Variants in PCDH15 observed in about 807,000 individuals in gnomAD.
The protein encoded by PCDH15 is protocadherin-15.
PCDH15 carries 129 observed loss-of-function variants against 178.5 expected under a neutral mutation model. That is an observed-to-expected ratio of 0.72 (90% confidence interval 0.63 to 0.84). The LOEUF (loss-of-function observed/expected upper bound fraction) is 0.84, where lower values mean the gene tolerates loss of function less well. Ranked by LOEUF, PCDH15 falls within the 40% of genes least tolerant of loss-of-function variation. The pLI, the probability that PCDH15 is intolerant of heterozygous loss-of-function variation, is 0.00. For missense variants in PCDH15, 2,230 were observed against 2,099.9 expected, an observed-to-expected ratio of 1.06 and a Z score of -1.21; for synonymous variants, 800 against 732.0, an observed-to-expected ratio of 1.09 and a Z score of -1.50.
chr10:55,226,626 C>A (rs1592003173), intron 1 of PCDH15, among the ~76,000 whole-genome samples: 1 of 151,998 alleles, frequency 6.6e-6, no homozygotes, highest in African/African-American at 2.4e-5. Context: ...AGGTGATCCG[C>A]CCGCCTCGGC....
intron 3 of PCDH15, among the ~76,000 whole-genome samples, chr10:54,812,578 C>T (rs1240483085): frequency 1.3e-5 from 2 of 152,128 alleles, no homozygotes; most frequent in African/African-American, 4.8e-5. Flanking sequence ...CCTGCCTCAG[C>T]TTCCCGAGTA....
In PCDH15 at chr10:54,847,651, T is replaced by C. The variant is rs115710254; in HGVS notation, c.-29+49799A>G. Among the ~76,000 whole-genome samples the C allele has an allele frequency of 1.3e-3, 194 of 152,312 alleles. 2 individuals are homozygous for C. The highest frequency in any genetic ancestry group is 0.01 in the Middle Eastern group (3 of 294). On this transcript the variant is annotated intron_variant, in intron 3 of 5. Coordinates refer to the PCDH15 transcript ENST00000458638. ...TTTATCTGCTCTGTGATAACTAGCA[T>C]ACTGAAATTGTATTAATTTTTACTC...
chr10:54,799,133 T>C (rs1162437812), intron 1 of PCDH15, among the ~76,000 whole-genome samples: 2 of 152,162 alleles, frequency 1.3e-5, no homozygotes, highest in African/African-American at 2.4e-5. Context: ...CAAATAATTA[T>C]AGTGATTTCC....
intron 3 of PCDH15, among the ~76,000 whole-genome samples, chr10:54,883,485 A>AT (rs1317976620): frequency 1.3e-5 from 2 of 152,004 alleles, no homozygotes; most frequent in African/African-American, 4.8e-5. Context: ...TCCAGGTGAC[A>AT]TGAAAGAGAT....
intron 23 of PCDH15, among the ~76,000 whole-genome samples, chr10:53,955,495 T>A (rs1323513723): frequency 6.6e-6 from 1 of 152,202 alleles, no homozygotes; most frequent in Non-Finnish European, 1.5e-5. Flanking sequence ...AAAATCTCTC[T>A]TTTATACCTA....
intron 3 of PCDH15, among the ~76,000 whole-genome samples, chr10:54,505,275 A>T (rs1380919705): frequency 6.6e-6 from 1 of 152,118 alleles, no homozygotes; most frequent in African/African-American, 2.4e-5. Context: ...TTTTCTCATG[A>T]ATTTCTATGT....
At chr10:55,596,466 A>G (rs1842937078) in intron 2 of PCDH15, among the ~76,000 whole-genome samples, 2 of 152,128 alleles carry the variant, frequency 1.3e-5, no homozygotes, top group South Asian at 4.1e-4. Context: ...TTTGTAATAC[A>G]GGGAAAGTCA....
At chr10:55,069,916 T>C (rs1332237761) in intron 2 of PCDH15, among the ~76,000 whole-genome samples, 2 of 152,158 alleles carry the variant, frequency 1.3e-5, no homozygotes, top group African/African-American at 4.8e-5. Flanking sequence ...TGTTCCCATT[T>C]CTCCACATTC....
intron 2 of PCDH15, among the ~76,000 whole-genome samples, chr10:55,588,350 C>G (rs1842768839): frequency 6.6e-6 from 1 of 152,160 alleles, no homozygotes; most frequent in African/African-American, 2.4e-5. Context: ...AAAATTTTTA[C>G]TGTTCAAAGC....
At chr10:53,821,831 TGCCCGACTAAA>T in intron 32 of PCDH15, 1 of 1,610,722 alleles carries the variant, frequency 6.2e-7, no homozygotes, top group East Asian at 2.2e-5. Context: ...ACAAGAGGTT[TGCCCGACTAAA>T]ATAAGAAAAG....
intron 6 of PCDH15, among the ~76,000 whole-genome samples, chr10:54,333,983 C>T (rs2133959282): frequency 6.6e-6 from 1 of 152,286 alleles, no homozygotes; most frequent in East Asian, 1.9e-4. Context: ...ATTTCTAAAG[C>T]CAGGACATTG....
chr10:53,942,829 T>C (rs1589542037), intron 23 of PCDH15, among the ~76,000 whole-genome samples: 1 of 152,336 alleles, frequency 6.6e-6, no homozygotes, highest in Non-Finnish European at 1.5e-5. Context: ...ATTCCTGACC[T>C]ATAGGAAATT....
chr10:55,310,816 T>C (rs964486028), intron 1 of PCDH15, among the ~76,000 whole-genome samples: 5 of 151,552 alleles, frequency 3.3e-5, no homozygotes, highest in Non-Finnish European at 5.9e-5. Flanking sequence ...TAAGTGGGAG[T>C]TGAACAATGA....
In PCDH15 at chr10:54,696,875, T is replaced by C. The variant is rs188578911; in HGVS notation, c.-28-32585A>G. ...TAAGTCATTGCAGGGATGGATGTTT[T>C]TATCTATGTATGTGTATTTTTCCCC... On this transcript the variant is annotated intron_variant, in intron 1 of 37. Coordinates refer to ENST00000644397, the MANE Select transcript of PCDH15 (RefSeq NM_001384140.1). 3.9e-5 allele frequency among the ~76,000 whole-genome samples: 6 copies of C among 152,244 alleles called. No individual in the cohort carries two copies. The East Asian group carries it at 1.2e-3, about 29-fold the overall frequency.
chr10:55,073,685 C>A (rs1192260429), intron 2 of PCDH15, among the ~76,000 whole-genome samples: 1 of 151,942 alleles, frequency 6.6e-6, no homozygotes, highest in Non-Finnish European at 1.5e-5. Context: ...AGAGTTCCCC[C>A]CTCTTCAATT....
At chr10:54,165,263 C>A (rs2046105153) in intron 13 of PCDH15, among the ~76,000 whole-genome samples, 2 of 151,924 alleles carry the variant, frequency 1.3e-5, no homozygotes, top group South Asian at 4.2e-4. Flanking sequence ...TGATGGGCAC[C>A]TCAGTAGGGT....
intron 3 of PCDH15, among the ~76,000 whole-genome samples, chr10:54,393,804 A>G (rs189366090): frequency 6.6e-6 from 1 of 152,274 alleles, no homozygotes; most frequent in East Asian, 1.9e-4. Context: ...AAATAACACA[A>G]TGGCACAATT....
At chr10:54,836,783 C>A (rs1591731535) in intron 3 of PCDH15, among the ~76,000 whole-genome samples, 1 of 152,056 alleles carries the variant, frequency 6.6e-6, no homozygotes, top group East Asian at 1.9e-4. Context: ...CATTGCAGAA[C>A]TAATAAGTAA....
intron 29 of PCDH15, among the ~76,000 whole-genome samples, chr10:53,839,846 T>G (rs1162748694): frequency 6.6e-6 from 1 of 152,166 alleles, no homozygotes; most frequent in East Asian, 1.9e-4. Context: ...TGGGAATGAT[T>G]ATCCCACCTG....
Sources: allele counts gnomAD v4.1 joint callset (sites outside exome capture counted in the v4.1 genomes callset), GRCh38; gene constraint gnomAD v4.1.1; transcripts MANE v1.5; gene names NCBI Gene and HGNC (gene_info 2026-07-23, HGNC 2026-07-21).